CCM2: variants seen among roughly 807,000 people sequenced by gnomAD.
CCM2 encodes the protein cerebral cavernous malformations 2 protein.
In CCM2, 25 loss-of-function variants were observed where a neutral mutation model predicts 44.9. The observed-to-expected ratio is 0.56, with a 90% confidence interval of 0.41 to 0.78. The LOEUF (loss-of-function observed/expected upper bound fraction) is 0.78. CCM2 is among the 30% of genes least tolerant of loss of function. The pLI, the probability that CCM2 is intolerant of heterozygous loss-of-function variation, is 0.00. For synonymous variants in CCM2, 219 were observed against 241.1 expected, an observed-to-expected ratio of 0.91 and a Z score of 0.85; for missense variants, 481 against 580.6, an observed-to-expected ratio of 0.83 and a Z score of 1.76.
intron 1 of CCM2, chr7:45,027,344 T>C: frequency 2.7e-6 from 1 of 367,458 alleles, no homozygotes; most frequent in East Asian, 6.9e-5. Flanking sequence ...GCTTTCTGTC[T>C]GCTTGTTTAG....
chr7:45,075,962 G>T lies in CCM2; in HGVS notation c.1240G>T (p.Ala414Ser). The T allele has an allele frequency of 6.2e-7, 1 of 1,613,194 alleles. No individual in the cohort carries two copies. Among genetic ancestry groups the T allele is most frequent in the Non-Finnish European group, 8.5e-7 (1 of 1,180,030 alleles). Residue 414 changes from alanine (A) to serine (S), a missense_variant, in exon 10 of 10, where the codon GCA becomes TCA. Ala to Ser is a moderately conservative substitution (Grantham distance 99). Coordinates refer to ENST00000258781, the MANE Select transcript of CCM2 (RefSeq NM_031443.4). ...RATGSSDDRS[A>S]PSEGDEWDRM... ...CACGGGCAGCTCTGATGACCGGTCG[G>T]CACCCTCAGAGGGGGATGAGTGGGA...
intron 1 of CCM2, among the ~76,000 whole-genome samples, chr7:45,013,377 G>A (rs1402565371): frequency 2.0e-5 from 3 of 151,108 alleles, no homozygotes; most frequent in South Asian, 4.2e-4. Flanking sequence ...TTATATATAC[G>A]TAGTAGACTT....
intron 4 of CCM2, among the ~76,000 whole-genome samples, chr7:45,067,464 A>G (rs903476917): frequency 9.9e-5 from 15 of 152,214 alleles, no homozygotes; most frequent in African/African-American, 2.7e-4. Flanking sequence ...CGCCTGGCCA[A>G]TTATTTTCAA....
intron 1 of CCM2, chr7:45,027,457 G>A (rs898456848): frequency 2.0e-5 from 12 of 587,150 alleles, no homozygotes; most frequent in Middle Eastern, 9.2e-4. Context: ...TGTGGGGTTC[G>A]CGTGCTGTGG....
At chr7:45,074,469 C>T in intron 9 of CCM2, 61 bp downstream of exon 9, 1 of 1,423,620 alleles carries the variant, frequency 7.0e-7, no homozygotes, top group Admixed American at 1.8e-5. Context: ...GCTGATCCCT[C>T]CTGGGAATGT....
intron 2 of CCM2, among the ~76,000 whole-genome samples, chr7:45,062,835 A>G (rs1798587619): frequency 6.6e-6 from 1 of 151,668 alleles, no homozygotes; most frequent in Non-Finnish European, 1.5e-5. Flanking sequence ...TCAAAAAAAA[A>G]AAAAAAATCG....
intron 1 of CCM2, among the ~76,000 whole-genome samples, chr7:45,033,528 T>G (rs1292107502): frequency 6.6e-6 from 1 of 152,178 alleles, no homozygotes; most frequent in Non-Finnish European, 1.5e-5. Context: ...GCCCACACTG[T>G]CAGATTCAGA....
At chr7:45,045,880 A>T (rs187831067) in intron 2 of CCM2, among the ~76,000 whole-genome samples, 21 of 152,364 alleles carry the variant, frequency 1.4e-4, no homozygotes, top group African/African-American at 5.0e-4. Context: ...AATCAATACC[A>T]TTCACAATCA....
chr7:45,043,175 G>A (rs151134620), intron 2 of CCM2, among the ~76,000 whole-genome samples: 10 of 151,916 alleles, frequency 6.6e-5, no homozygotes, highest in Non-Finnish European at 1.5e-4. Context: ...TCACTGTGTT[G>A]ACCAGGCTGT....
intron 6 of CCM2, chr7:45,071,957 G>A: frequency 2.3e-6 from 1 of 431,904 alleles, no homozygotes; most frequent in Non-Finnish European, 4.7e-6. Context: ...ACGTCTTTGG[G>A]GGGTCATTAT....
intron 1 of CCM2, among the ~76,000 whole-genome samples, chr7:45,016,902 G>C (rs1796290931): frequency 6.6e-6 from 1 of 152,032 alleles, no homozygotes; most frequent in Admixed American, 6.6e-5. Flanking sequence ...CAAAGTGCTA[G>C]GATTACAGGC....
At chr7:45,028,587 G>A (rs969481266) in intron 1 of CCM2, among the ~76,000 whole-genome samples, 5 of 151,982 alleles carry the variant, frequency 3.3e-5, no homozygotes, top group Non-Finnish European at 5.9e-5. Context: ...AACCCGGGAG[G>A]TGGAGGTTGC....
chr7:45,045,748 G>C (rs1448684409), intron 2 of CCM2, among the ~76,000 whole-genome samples: 1 of 152,118 alleles, frequency 6.6e-6, no homozygotes, highest in African/African-American at 2.4e-5. Flanking sequence ...CCCAGATCAT[G>C]CCGCTGCACT....
At chr7:45,010,187 A>T (rs990987506) in intron 1 of CCM2, among the ~76,000 whole-genome samples, 1 of 152,244 alleles carries the variant, frequency 6.6e-6, no homozygotes, top group Non-Finnish European at 1.5e-5. Context: ...TTGGTATTAC[A>T]GGCGTGAGCC....
Position 45,070,565 on chromosome 7 carries a change from T to C in CCM2, c.745+604T>C, listed in dbSNP as rs926874456. Reference sequence around the variant, plus strand: ...CATTGAAAACACTTCATCAGCAAGCTCACTTGAGTTAAGTCTTCAAAAACA... The same window carrying C: ...CATTGAAAACACTTCATCAGCAAGCCCACTTGAGTTAAGTCTTCAAAAACA... On this transcript the variant is annotated intron_variant, in intron 6 of 9. Transcript: ENST00000258781. The C allele has an allele frequency of 2.0e-5, 8 of 395,570 alleles. No individual in the cohort carries two copies. In the East Asian group the frequency reaches 6.3e-4, roughly 31 times the overall value. 24.5% of individuals were successfully genotyped at this position (395,570 alleles called of 1,614,324 possible).
At chr7:45,008,356 C>A (rs1421361363) in intron 1 of CCM2, among the ~76,000 whole-genome samples, 2 of 114,790 alleles carry the variant, frequency 1.7e-5, no homozygotes, top group South Asian at 2.8e-4. Context: ...GGTACATGTT[C>A]TTTTTTTTTT....
chr7:45,011,449 G>A (rs536220985), intron 1 of CCM2, among the ~76,000 whole-genome samples: 101 of 152,152 alleles, frequency 6.6e-4, no homozygotes, highest in African/African-American at 2.2e-3. Flanking sequence ...CAGCTGCCTT[G>A]GCCTCCCAAA....
chr7:45,073,789 C>T lies in CCM2; in HGVS notation c.915+218C>T, dbSNP rs189410764. On this transcript the variant is annotated intron_variant, in intron 8 of 9. Coordinates refer to ENST00000258781, the MANE Select transcript of CCM2 (RefSeq NM_031443.4). Reference sequence around the variant, plus strand: ...GGGGCTGAGTTGGGAGTGCTGTGGCCGTCAGGGCTGGACTGTGGGCCTGTG... The same window carrying T: ...GGGGCTGAGTTGGGAGTGCTGTGGCTGTCAGGGCTGGACTGTGGGCCTGTG... 4.2e-4 allele frequency: 246 copies of T among 584,300 alleles called. 1 individual carries two copies. The highest frequency in any genetic ancestry group is 1.8e-3 in the Middle Eastern group (4 of 2,180). 36.2% of individuals were successfully genotyped at this position (584,300 alleles called of 1,614,324 possible).
chr7:45,063,734 T>C (rs1309896657), intron 2 of CCM2, among the ~76,000 whole-genome samples, 184 bp from the exon 3 acceptor site: 1 of 151,946 alleles, frequency 6.6e-6, no homozygotes, highest in Non-Finnish European at 1.5e-5. Flanking sequence ...CCTCAGCCAG[T>C]AGAGATTTCT....
Sources: allele counts gnomAD v4.1 joint callset (sites outside exome capture counted in the v4.1 genomes callset), GRCh38; gene constraint gnomAD v4.1.1; transcripts MANE v1.5; gene names NCBI Gene and HGNC (gene_info 2026-07-23, HGNC 2026-07-21).